The following NBEA variants were observed in gnomAD, a reference collection of about 807,000 sequenced individuals.
NBEA encodes the protein lysosomal-trafficking regulator 2.
In NBEA, 44 loss-of-function variants were observed where a neutral mutation model predicts 343.4. The ratio of observed to expected loss-of-function variants is 0.13; its 90% CI spans 0.10 to 0.16. The LOEUF (loss-of-function observed/expected upper bound fraction) is 0.16. NBEA is among the 10% of genes least tolerant of loss of function. The pLI, the probability that NBEA is intolerant of heterozygous loss-of-function variation, is 1.00. For synonymous variants in NBEA, 1,175 were observed against 1,238.7 expected (o/e 0.95, Z 1.08); for missense variants, 2,555 against 3,631.3 (o/e 0.70, Z 7.62).
chr13:35,663,415 G>A lies in NBEA; in HGVS notation c.8363-1670G>A, dbSNP rs551120345. On this transcript the variant is annotated intron_variant, in intron 55 of 58. Coordinates refer to ENST00000379939, the MANE Select transcript of NBEA (RefSeq NM_001385012.1). ...ATTTCACTTAACCTCATGTCCTTCA[G>A]TTCCATCTATGTTGTTGCAAATGAC... Among the ~76,000 whole-genome samples, 24 of 152,174 alleles carry A rather than the reference G, an allele frequency of 1.6e-4. No homozygotes were observed. The East Asian group carries it at 4.6e-3, about 29-fold the overall frequency.
At chr13:35,325,338 T>C (rs2038468797) in intron 36 of NBEA, among the ~76,000 whole-genome samples, 2 of 152,004 alleles carry the variant, frequency 1.3e-5, no homozygotes, top group African/African-American at 2.4e-5. Context: ...GGGTACATAA[T>C]TGTATGTATA....
chr13:35,427,835 G>T (rs12584807), intron 38 of NBEA, among the ~76,000 whole-genome samples: 1 of 152,026 alleles, frequency 6.6e-6, no homozygotes, highest in Non-Finnish European at 1.5e-5. Context: ...CAGCAATGGC[G>T]GGCGCCCCTT....
chr13:35,044,507 T>TA (rs2062770822), intron 2 of NBEA, among the ~76,000 whole-genome samples: 1 of 152,040 alleles, frequency 6.6e-6, no homozygotes. Context: ...AGTCAGCTGT[T>TA]ACTTTTTCAT....
chr13:35,521,910 A>G (rs944523669), intron 41 of NBEA, among the ~76,000 whole-genome samples: 6 of 152,136 alleles, frequency 3.9e-5, no homozygotes, highest in Non-Finnish European at 8.8e-5. Context: ...TCCTCAGTAT[A>G]CTATTCAGAA....
At chr13:35,311,180 TACTA>T (rs2037337529) in intron 36 of NBEA, among the ~76,000 whole-genome samples, 1 of 152,150 alleles carries the variant, frequency 6.6e-6, no homozygotes, top group Admixed American at 6.5e-5. Context: ...TGATAAGAGT[TACTA>T]ACAATTATTA....
At chr13:35,588,433 C>G (rs1301878260) in intron 46 of NBEA, among the ~76,000 whole-genome samples, 1 of 149,354 alleles carries the variant, frequency 6.7e-6, no homozygotes, top group Non-Finnish European at 1.5e-5. Flanking sequence ...AAATAAGTGT[C>G]TGTCCTTTAC....
intron 41 of NBEA, among the ~76,000 whole-genome samples, chr13:35,499,123 T>C (rs968364318): frequency 3.3e-5 from 5 of 152,130 alleles, no homozygotes; most frequent in African/African-American, 1.2e-4. Context: ...GTGATGCTTT[T>C]TACATTGCAT....
chr13:35,200,499 T>G (rs1319580309), intron 31 of NBEA, among the ~76,000 whole-genome samples: 1 of 150,754 alleles, frequency 6.6e-6, no homozygotes, highest in Non-Finnish European at 1.5e-5. Context: ...TTCTCATACA[T>G]TTTTAACTGT....
intron 36 of NBEA, among the ~76,000 whole-genome samples, chr13:35,347,058 C>T (rs181465762): frequency 5.9e-5 from 9 of 152,182 alleles, no homozygotes; most frequent in Non-Finnish European, 1.0e-4. Context: ...AGTATAGTCA[C>T]ACTCACCTCA....
At chr13:35,358,516 A>G (rs1465069106) in intron 38 of NBEA, among the ~76,000 whole-genome samples, 4 of 151,636 alleles carry the variant, frequency 2.6e-5, no homozygotes, top group Non-Finnish European at 5.9e-5. Context: ...TTAGGAGTTC[A>G]AGATCAGCCT....
At chr13:35,423,732 AC>A in intron 38 of NBEA, among the ~76,000 whole-genome samples, 1 of 152,232 alleles carries the variant, frequency 6.6e-6, no homozygotes, top group East Asian at 1.9e-4. Flanking sequence ...TCTATAAATT[AC>A]CTTGGGCAGT....
chr13:34,995,391 A>G (rs1042345211), intron 1 of NBEA, among the ~76,000 whole-genome samples: 3 of 151,228 alleles, frequency 2.0e-5, no homozygotes, highest in African/African-American at 7.3e-5. Context: ...ACTGCACTCC[A>G]GCCTGGGTGA....
At chr13:35,597,071 C>T (rs1033934095) in intron 47 of NBEA, among the ~76,000 whole-genome samples, 2 of 152,096 alleles carry the variant, frequency 1.3e-5, no homozygotes, top group Non-Finnish European at 2.9e-5. Context: ...AATAGGTATA[C>T]AATTATGATA....
chr13:34,969,636 G>A (rs1354938440), intron 1 of NBEA, among the ~76,000 whole-genome samples: 2 of 152,068 alleles, frequency 1.3e-5, no homozygotes, highest in East Asian at 3.9e-4. Flanking sequence ...ACTTACAAGT[G>A]AGAACATACA....
At chr13:35,323,920 A>T (rs2050714) in intron 36 of NBEA, among the ~76,000 whole-genome samples, 1 of 151,920 alleles carries the variant, frequency 6.6e-6, no homozygotes, top group Non-Finnish European at 1.5e-5. Context: ...TTAGAGACAC[A>T]TATCATATTT....
intron 1 of NBEA, among the ~76,000 whole-genome samples, chr13:34,988,226 C>T (rs2060627613): frequency 6.6e-6 from 1 of 151,012 alleles, no homozygotes; most frequent in Admixed American, 6.6e-5. Flanking sequence ...TGGGAGGTGT[C>T]TCCCAGTTAG....
At chr13:34,976,961 A>G (rs1032273068) in intron 1 of NBEA, among the ~76,000 whole-genome samples, 10 of 135,864 alleles carry the variant, frequency 7.4e-5, no homozygotes, top group African/African-American at 2.5e-4. Context: ...TTTTTTTGAG[A>G]CAGAGTTTTG....
intron 8 of NBEA, among the ~76,000 whole-genome samples, chr13:35,065,601 T>G (rs1275390646): frequency 6.6e-6 from 1 of 152,136 alleles, no homozygotes; most frequent in Non-Finnish European, 1.5e-5. Context: ...TTATTTACTT[T>G]GCTTATCTTT....
chr13:35,505,073 G>A (rs891834000), intron 41 of NBEA, among the ~76,000 whole-genome samples: 3 of 151,806 alleles, frequency 2.0e-5, no homozygotes, highest in Admixed American at 6.6e-5. Flanking sequence ...TAAAGAATGT[G>A]GGCAGAAATC....
Sources: gnomAD v4.1 joint callset for allele counts (sites outside exome capture counted in the v4.1 genomes callset) on GRCh38, gnomAD v4.1.1 for gene constraint, MANE v1.5 for transcripts, NCBI Gene and HGNC (gene_info 2026-07-23, HGNC 2026-07-21) for gene names.